Variants in STKLD1 observed in about 807,000 individuals in gnomAD.
STKLD1 encodes serine/threonine kinase-like domain-containing protein STKLD1.
In STKLD1, 79 loss-of-function variants were observed where a neutral mutation model predicts 80.4. The observed-to-expected ratio is 0.98, with a 90% CI of 0.82 to 1.19. The LOEUF is 1.19. Among genes scored for constraint, STKLD1 ranks in the 50% most tolerant of loss-of-function variants. The pLI, the probability that STKLD1 is intolerant of heterozygous loss-of-function variation, is 0.00. For synonymous variants in STKLD1, 393 were observed against 357.6 expected, an observed-to-expected ratio of 1.10 and a Z score of -1.12; for missense variants, 841 against 856.0, an observed-to-expected ratio of 0.98 and a Z score of 0.22.
chr9:133,376,626 G>C lies in STKLD1; in HGVS notation c.87+66G>C. 2.8e-6 allele frequency: 4 copies of C among 1,411,930 alleles called. No individual in the cohort carries two copies. The South Asian group carries it at 5.4e-5, about 19-fold the overall frequency. The allele number at this position is 1,411,930 out of a possible 1,614,324, so 87.5% of individuals were successfully genotyped here. A position where few individuals can be genotyped will look rare whatever the true frequency, so the allele number is the denominator to read the frequency against. ...GTAACGGTCGCAACCCTGGAGCTAC[G>C]GCCGGCGGTTCCGACCGAGGGCGGC... On this transcript the variant is annotated intron_variant, in intron 1 of 17. Transcript: ENST00000371957.
At chr9:133,382,508 GTGATGATGGTGA>G (rs1234619446) in intron 2 of STKLD1, among the ~76,000 whole-genome samples, 6 of 150,778 alleles carry the variant, frequency 4.0e-5, no homozygotes, top group Non-Finnish European at 7.4e-5. Flanking sequence ...GGTGGTGGCA[GTGATGATGGTGA>G]TGATGATGGT....
At chr9:133,403,867 G>C (rs114437924) in intron 15 of STKLD1, 39 bp downstream of exon 15, 3 of 1,611,536 alleles carry the variant, frequency 1.9e-6, no homozygotes, top group Non-Finnish European at 2.5e-6. Flanking sequence ...GGGGCTGGGA[G>C]GGGTGGGCCT....
chr9:133,399,787 G>A (rs1009407545), intron 11 of STKLD1, among the ~76,000 whole-genome samples: 1 of 152,076 alleles, frequency 6.6e-6, no homozygotes, highest in Admixed American at 6.5e-5. Flanking sequence ...GCTGAGGCAG[G>A]AGAATCGCTT....
rs1554776992 is a variant in STKLD1, at chr9:133,397,994, C to T, written c.1020C>T (p.Gly340=). ...CAGAGGTCATGCAGAAATTCTCTGG[C>T]TGGCCCGAAGTCCAGCTCAGGGCCA... The part of the protein sequence containing the change: ...SILEVMQKFS[G]WPEVQLRAMK... Residue 340 remains glycine, a synonymous_variant, in exon 11 of 18, where the codon GGC becomes GGT. Transcript: ENST00000371957. The T allele has an allele frequency of 1.2e-6, 2 of 1,613,572 alleles. No individual in the cohort carries two copies. The highest frequency in any genetic ancestry group is 8.5e-7 in the Non-Finnish European group (1 of 1,179,862).
At chr9:133,382,902 GTGA>G (rs1262994036) in intron 2 of STKLD1, among the ~76,000 whole-genome samples, 1 of 145,652 alleles carries the variant, frequency 6.9e-6, no homozygotes, top group African/African-American at 2.7e-5. Context: ...GATGATGTTG[GTGA>G]TGGTGGTGAT....
intron 1 of STKLD1, 39 bp downstream of exon 1, chr9:133,376,599 G>A: frequency 6.5e-7 from 1 of 1,530,494 alleles, no homozygotes. Context: ...GAGCTCCGTG[G>A]GGTAACGGTC....
Position 133,384,884 on chromosome 9 carries a change from G to A in STKLD1, c.220-733G>A, listed in dbSNP as rs1171219677. 6.6e-6 allele frequency: 1 copy of A among 152,188 alleles called. No homozygotes were observed. Among genetic ancestry groups the A allele is most frequent in the Non-Finnish European group, 1.5e-5 (1 of 68,026 alleles). The allele number at this position is 152,188 out of a possible 1,614,324, so 9.4% of individuals were successfully genotyped here. ...TTCTTGAATTTCCCACGAGCTTGAA[G>A]GTGTCCCCTCTTATCTCATGGTCAC... On this transcript the variant is annotated intron_variant, in intron 3 of 17. Transcript: ENST00000371957. This position sits in a 1 kb window ranked among gnomAD's most constrained non-coding sequence, Gnocchi z 4.3.
Position 133,404,018 on chromosome 9 carries a change from C to G in STKLD1, c.1702C>G (p.Arg568Gly), listed in dbSNP as rs201085864. The change falls in exon 16 of 18, where the codon CGG becomes GGG. Residue 568 changes from arginine (R) to glycine (G), a missense_variant. Transcript: ENST00000371957. Reference sequence around the variant, plus strand: ...AGCCCTGCTGGTGAACAATGCCTACCGGGGACTGGCCAGCCTGGTGAAGGT... The same window carrying G: ...AGCCCTGCTGGTGAACAATGCCTACGGGGGACTGGCCAGCCTGGTGAAGGT... ...DRALLVNNAY[R>G]GLASLVKVSE... 1.2e-6 allele frequency: 2 copies of G among 1,610,950 alleles called. No individual in the cohort carries two copies. The highest frequency in any genetic ancestry group is 2.2e-5 in the East Asian group (1 of 44,874).
chr9:133,377,555 C>T (rs2130254735), intron 1 of STKLD1, among the ~76,000 whole-genome samples: 5 of 152,206 alleles, frequency 3.3e-5, no homozygotes, highest in African/African-American at 7.2e-5. Flanking sequence ...CACAGCTACT[C>T]GGGAGGCTGA....
chr9:133,382,785 GTAA>G (rs1409708380), intron 2 of STKLD1, among the ~76,000 whole-genome samples: 2 of 150,206 alleles, frequency 1.3e-5, no homozygotes, highest in African/African-American at 2.5e-5. Flanking sequence ...GGTGATGATG[GTAA>G]TGATGGTGAT....
intron 11 of STKLD1, 59 bp from the exon 12 acceptor site, chr9:133,400,354 G>A: frequency 7.4e-7 from 1 of 1,345,798 alleles, no homozygotes; most frequent in Non-Finnish European, 1.1e-6. Flanking sequence ...CCCTGGTCGG[G>A]TCTATATGCC....
chr9:133,376,415 T>A lies in STKLD1; in HGVS notation c.-59T>A. 6.7e-7 allele frequency: 1 copy of A among 1,484,470 alleles called. No individual in the cohort carries two copies. The highest frequency in any genetic ancestry group is 1.3e-5 in the South Asian group (1 of 77,564). The allele number at this position is 1,484,470 out of a possible 1,614,324, so 92.0% of individuals were successfully genotyped here. Reference sequence around the variant, plus strand: ...GCGGGGAGGATCCCGCGGGTCCCACTGACCCACGCGGGGTGGGGCCAGGGG... The same window carrying A: ...GCGGGGAGGATCCCGCGGGTCCCACAGACCCACGCGGGGTGGGGCCAGGGG... On this transcript the variant is annotated 5_prime_UTR_variant, in exon 1 of 18. Transcript: ENST00000371957.
At chr9:133,397,950 C>A (rs893369308) in intron 10 of STKLD1, 22 bp from the exon 11 acceptor site, 1 of 1,605,700 alleles carries the variant, frequency 6.2e-7, no homozygotes, top group Non-Finnish European at 8.5e-7. Flanking sequence ...AAGGTCCCTC[C>A]CCTGCCTTCC....
At chr9:133,404,751 G>T (rs1554778363) in intron 16 of STKLD1, 38 bp from the exon 17 acceptor site, 2 of 1,604,516 alleles carry the variant, frequency 1.2e-6, no homozygotes, top group Non-Finnish European at 8.5e-7. Context: ...CCTTTCAGGG[G>T]AAAGCAGGGA....
intron 12 of STKLD1, 137 bp from the exon 13 acceptor site, chr9:133,401,601 C>T: frequency 2.7e-6 from 3 of 1,128,282 alleles, no homozygotes; most frequent in South Asian, 3.4e-5. Flanking sequence ...GAGGCCTGCT[C>T]TGGGTCAGAA....
chr9:133,400,294 C>A, intron 11 of STKLD1, 119 bp from the exon 12 acceptor site: 2 of 714,148 alleles, frequency 2.8e-6, no homozygotes, highest in South Asian at 1.6e-5. Flanking sequence ...GTCCTTCCCC[C>A]TTCTATTCAC....
chr9:133,400,485 T>G lies in STKLD1; in HGVS notation c.1154T>G (p.Val385Gly). ...GAGCTACATGACAGGGTCCTCGATG[T>G]CCAGCTGTGTGCCTGCTCCCTGCTG... ...TMELHDRVLD[V>G]QLCACSLLLH... Residue 385 changes from valine to glycine, a missense_variant, in exon 12 of 18, where the codon GTC (valine) becomes GGC (glycine). Physicochemically the swap from Val to Gly is moderately radical, Grantham distance 109 (BLOSUM62 -3). Coordinates refer to ENST00000371957, the MANE Select transcript of STKLD1 (RefSeq NM_153710.5). The G allele has an allele frequency of 6.2e-7, 1 of 1,613,452 alleles. No individual in the cohort carries two copies. Among genetic ancestry groups the G allele is most frequent in the East Asian group, 2.2e-5 (1 of 44,878 alleles).
chr9:133,402,395 G>A (rs969656474), intron 13 of STKLD1, among the ~76,000 whole-genome samples: 32 of 152,292 alleles, frequency 2.1e-4, no homozygotes, highest in African/African-American at 7.5e-4. Context: ...TCAGGGCTGG[G>A]GTCTGGGCCC....
intron 9 of STKLD1, among the ~76,000 whole-genome samples, 174 bp from the exon 10 acceptor site, chr9:133,396,990 C>A (rs1554776804): frequency 1.3e-5 from 2 of 152,138 alleles, no homozygotes; most frequent in Admixed American, 1.3e-4. Flanking sequence ...GGGTGCTTGC[C>A]GGACACACTG....
Sources: allele counts gnomAD v4.1 joint callset (sites outside exome capture counted in the v4.1 genomes callset), GRCh38; gene constraint gnomAD v4.1.1; non-coding constraint Gnocchi (gnomAD v3.1); transcripts MANE v1.5; gene names NCBI Gene and HGNC (gene_info 2026-07-23, HGNC 2026-07-21).